Variants in GABRB3 observed in about 807,000 individuals in gnomAD.
GABRB3 encodes the protein gamma-aminobutyric acid receptor subunit beta-3.
A neutral mutation model predicts 52.1 loss-of-function variants in GABRB3; 14 were observed. The observed-to-expected ratio is 0.27, with a 90% CI of 0.18 to 0.42. The LOEUF is 0.42. Ranked by LOEUF, GABRB3 falls within the 10% of genes least tolerant of loss-of-function variation. GABRB3 has a pLI of 1.00. For missense variants in GABRB3, 307 were observed against 609.1 expected (o/e 0.50, Z 5.22); for synonymous variants, 260 against 232.3 (o/e 1.12, Z -1.08).
At chr15:26,590,478 G>A (rs1891154562) in intron 4 of GABRB3, among the ~76,000 whole-genome samples, 1 of 152,156 alleles carries the variant, frequency 6.6e-6, no homozygotes, top group Non-Finnish European at 1.5e-5. Context: ...GATGCAGGAT[G>A]CACTGGCTGG....
chr15:26,697,006 A>C (rs375754442), intron 3 of GABRB3, among the ~76,000 whole-genome samples: 1 of 152,212 alleles, frequency 6.6e-6, no homozygotes, highest in Non-Finnish European at 1.5e-5. Context: ...GAAATGATAC[A>C]TCAAAACTTG....
chr15:26,709,502 CTTT>C (rs1167649348), intron 3 of GABRB3, among the ~76,000 whole-genome samples: 3 of 131,300 alleles, frequency 2.3e-5, no homozygotes, highest in Non-Finnish European at 3.3e-5. Context: ...AACCTCTTTT[CTTT>C]TTTTTCTTTC....
intron 3 of GABRB3, among the ~76,000 whole-genome samples, chr15:26,695,614 A>T (rs1296629756): frequency 6.6e-6 from 1 of 152,310 alleles, no homozygotes; most frequent in East Asian, 1.9e-4. Flanking sequence ...GAGAAAAAAA[A>T]TTTACATAGG....
At chr15:26,773,072 G>A (rs545012756), upstream of GABRB3, 719 of 1,041,936 alleles carry the variant, frequency 6.9e-4, no homozygotes, top group Non-Finnish European at 7.7e-4. Flanking sequence ...GCGCTGGCCC[G>A]GAGCGGAGGA....
intron 3 of GABRB3, among the ~76,000 whole-genome samples, chr15:26,738,026 A>G (rs1297962288): frequency 6.6e-6 from 1 of 152,116 alleles, no homozygotes; most frequent in African/African-American, 2.4e-5. Flanking sequence ...GGCAAAATTT[A>G]TCGACTTTTT....
chr15:26,714,769 ATC>A (rs1463181666), intron 3 of GABRB3, among the ~76,000 whole-genome samples: 1 of 152,128 alleles, frequency 6.6e-6, no homozygotes, highest in African/African-American at 2.4e-5. Context: ...CTTTCACACT[ATC>A]TATTATTATT....
chr15:26,615,801 A>G (rs1892231848), intron 4 of GABRB3: 1 of 1,185,934 alleles, frequency 8.4e-7, no homozygotes, highest in South Asian at 1.6e-5. Flanking sequence ...TGCTGGATAG[A>G]CAAGGTGAGA....
At chr15:26,633,205 CT>C (rs1164377154) in intron 3 of GABRB3, among the ~76,000 whole-genome samples, 1 of 152,110 alleles carries the variant, frequency 6.6e-6, no homozygotes, top group Non-Finnish European at 1.5e-5. Context: ...AGGTCACTAG[CT>C]TTTTTTCATA....
At chr15:26,677,133 C>T (rs1057301672) in intron 3 of GABRB3, among the ~76,000 whole-genome samples, 6 of 152,130 alleles carry the variant, frequency 3.9e-5, no homozygotes, top group South Asian at 2.1e-4. Context: ...TTGGCCTCAT[C>T]TAAAACATCT....
At chr15:26,622,937 GA>G (rs1441488496) in intron 3 of GABRB3, among the ~76,000 whole-genome samples, 2 of 152,172 alleles carry the variant, frequency 1.3e-5, no homozygotes, top group Non-Finnish European at 2.9e-5. Flanking sequence ...ACAGTCTTTG[GA>G]GAGGCCTTGT....
chr15:26,752,766 A>T (rs533083002), intron 3 of GABRB3, among the ~76,000 whole-genome samples: 2 of 152,144 alleles, frequency 1.3e-5, no homozygotes, highest in East Asian at 3.9e-4. Context: ...CAATTTTCAC[A>T]TGTCCATTAT....
chr15:26,545,579 G>A lies in GABRB3; in HGVS notation c.*2214C>T, dbSNP rs530377492. On this transcript the variant is annotated 3_prime_UTR_variant, in exon 9 of 9. Transcript: ENST00000311550. ...ACATTTTGGGGTCCCTCTTCTGCATGTGGACCTCACACCTTTAATTACTGG... is the reference window on the plus strand; with the variant it reads ...ACATTTTGGGGTCCCTCTTCTGCATATGGACCTCACACCTTTAATTACTGG... 6.5e-6 allele frequency: 1 copy of A among 152,680 alleles called. No homozygotes were observed. Among genetic ancestry groups the A allele is most frequent in the South Asian group, 2.1e-4 (1 of 4,828 alleles). 9.5% of individuals were successfully genotyped at this position (152,680 alleles called of 1,614,324 possible). A position where few individuals can be genotyped will look rare whatever the true frequency, so the allele number is the denominator to read the frequency against.
At position 26,748,254 on chromosome 15, in the gene GABRB3, C is replaced by T. The variant is rs1368526730; in HGVS notation, c.240+24148G>A. On this transcript the variant is annotated intron_variant, in intron 3 of 8. Transcript: ENST00000311550. ...TAAAATTAGTTGGGAATGGTTCCCTCCTCTTCTATTTTCTAGAGGAGACTG... is the reference window on the plus strand; with the variant it reads ...TAAAATTAGTTGGGAATGGTTCCCTTCTCTTCTATTTTCTAGAGGAGACTG... Among the ~76,000 whole-genome samples, 4 of 152,032 alleles carry T rather than the reference C, an allele frequency of 2.6e-5. No homozygotes were observed. In the East Asian group the frequency reaches 7.7e-4, roughly 29 times the overall value.
rs962643343 is a variant in GABRB3 at position 26,545,861 on chromosome 15, G to C, written c.*1932C>G. The C allele has an allele frequency of 4.6e-5, 7 of 152,598 alleles. No individual in the cohort carries two copies. The highest frequency in any genetic ancestry group is 1.7e-4 in the African/African-American group (7 of 41,432). The allele number at this position is 152,598 out of a possible 1,614,324, so 9.5% of individuals were successfully genotyped here. Reference sequence around the variant, plus strand: ...AGGAAAAAGATAGGAATGAAAGAGGGAAAAGGGTCTAAAAGTAGGTAATTG... The same window carrying C: ...AGGAAAAAGATAGGAATGAAAGAGGCAAAAGGGTCTAAAAGTAGGTAATTG... On this transcript the variant is annotated 3_prime_UTR_variant, in exon 9 of 9. Coordinates refer to ENST00000311550, the MANE Select transcript of GABRB3 (RefSeq NM_000814.6).
At chr15:26,706,541 T>A (rs1256335156) in intron 3 of GABRB3, among the ~76,000 whole-genome samples, 1 of 151,890 alleles carries the variant, frequency 6.6e-6, no homozygotes, top group East Asian at 1.9e-4. Context: ...CACAAAGAAA[T>A]GGACTAACTG....
rs1566838297 is a variant in GABRB3 at position 26,772,983 on chromosome 15, C to G, written c.-21G>C. 1 of 1,389,234 alleles carries G rather than the reference C, an allele frequency of 7.2e-7. No individual in the cohort carries two copies. Among genetic ancestry groups the G allele is most frequent in the South Asian group, 1.5e-5 (1 of 68,006 alleles). The allele number at this position is 1,389,234 out of a possible 1,614,324, so 86.1% of individuals were successfully genotyped here. On this transcript the variant is annotated 5_prime_UTR_variant, in exon 1 of 9. Coordinates refer to ENST00000311550, the MANE Select transcript of GABRB3 (RefSeq NM_000814.6). The stretch of plus-strand genomic sequence containing the variant: ...CACATCCCTCCGCCGCGCCCCGGCA[C>G]GGGGGAGGGGGCGCCCCGCCGCCGT...
chr15:26,572,923 T>C (rs1163150242), intron 6 of GABRB3, among the ~76,000 whole-genome samples: 1 of 152,198 alleles, frequency 6.6e-6, no homozygotes, highest in Non-Finnish European at 1.5e-5. Flanking sequence ...TCTCCCCAGA[T>C]GCAGTCACCA....
intron 3 of GABRB3, among the ~76,000 whole-genome samples, chr15:26,711,933 G>C (rs113574207): frequency 0.013 from 1,936 of 152,330 alleles, 35 homozygotes; most frequent in African/African-American, 0.034. Context: ...AGCTCTTTGA[G>C]GAGAAGGCAT....
intron 3 of GABRB3, among the ~76,000 whole-genome samples, chr15:26,647,025 A>G (rs1298993175): frequency 6.6e-6 from 1 of 152,020 alleles, no homozygotes; most frequent in Non-Finnish European, 1.5e-5. Context: ...TTGTATTTTT[A>G]GTATAGACGG....
Sources: allele counts gnomAD v4.1 joint callset (sites outside exome capture counted in the v4.1 genomes callset), GRCh38; gene constraint gnomAD v4.1.1; transcripts MANE v1.5; gene names NCBI Gene and HGNC (gene_info 2026-07-23, HGNC 2026-07-21).